LEFTY2: variants seen among roughly 807,000 people sequenced by gnomAD.
LEFTY2 encodes the protein TGF-beta-4.
Under a neutral mutation model 26.4 loss-of-function variants are expected in LEFTY2, and 10 were observed. That is an observed-to-expected ratio of 0.38 (90% CI 0.23 to 0.64). The LOEUF (loss-of-function observed/expected upper bound fraction) is 0.64. LEFTY2 is among the 30% of genes least tolerant of loss of function. LEFTY2 has a pLI of 0.56. For synonymous variants in LEFTY2, 204 were observed against 234.1 expected, an observed-to-expected ratio of 0.87 and a Z score of 1.17; for missense variants, 407 against 502.1, an observed-to-expected ratio of 0.81 and a Z score of 1.81.
rs764625512 is a variant in LEFTY2, at chr1:225,939,018, C to T, written c.737+343G>A. 1.3e-4 allele frequency among the ~76,000 whole-genome samples: 20 copies of T among 151,726 alleles called. No homozygotes were observed. Among genetic ancestry groups the T allele is most frequent in the Non-Finnish European group, 1.0e-4 (7 of 67,940 alleles). ...TCCTGAGTAGCTGGGATTACAGGCACGCGCCACCACGCCCGGCTAATTTTT... is the reference window on the plus strand; with the variant it reads ...TCCTGAGTAGCTGGGATTACAGGCATGCGCCACCACGCCCGGCTAATTTTT... On this transcript the variant is annotated intron_variant, in intron 3 of 3. Coordinates refer to ENST00000366820, the MANE Select transcript of LEFTY2 (RefSeq NM_003240.5). The surrounding 1 kb of genome is among the most constrained non-coding windows in gnomAD (Gnocchi z 4.1).
Position 225,939,291 on chromosome 1 carries a change from C to G in LEFTY2, c.737+70G>C, listed in dbSNP as rs1229790894. The G allele has an allele frequency of 1.3e-5, 21 of 1,604,028 alleles. No homozygotes were observed. The highest frequency in any genetic ancestry group is 1.8e-5 in the Non-Finnish European group (21 of 1,175,686). On this transcript the variant is annotated intron_variant, in intron 3 of 3. Transcript: ENST00000366820. This position sits in a 1 kb window ranked among gnomAD's most constrained non-coding sequence, Gnocchi z 4.1. ...CACCGCCACCATCCGGTCCCCCAGACAGTCCTGGGGACGGGGGTCTGGACC... is the reference window on the plus strand; with the variant it reads ...CACCGCCACCATCCGGTCCCCCAGAGAGTCCTGGGGACGGGGGTCTGGACC...
rs1204953655 is a variant in LEFTY2 at position 225,939,511 on chromosome 1, G to A, written c.587C>T (p.Pro196Leu). Residue 196 changes from proline (P) to leucine (L), a missense_variant, in exon 3 of 4, where the codon CCG (proline) becomes CTG (leucine). Coordinates refer to ENST00000366820, the MANE Select transcript of LEFTY2 (RefSeq NM_003240.5). This position sits in a 1 kb window ranked among gnomAD's most constrained non-coding sequence, Gnocchi z 4.1. The part of the protein sequence containing the change: ...FWQQLSRPRQ[P>L]LLLQVSVQRE... ...CTGCACCGACACCTGTAGCAGCAGC[G>A]GCTGCCGGGGCCGGCTCAGCTGCTG... The A allele has an allele frequency of 6.2e-7, 1 of 1,610,624 alleles. No homozygotes were observed. The highest frequency in any genetic ancestry group is 2.2e-5 in the East Asian group (1 of 44,876).
Position 225,940,893 on chromosome 1 carries a change from C to G in LEFTY2, c.248G>C (p.Arg83Pro). 1.9e-6 allele frequency: 3 copies of G among 1,613,522 alleles called. No homozygotes were observed. The highest frequency in any genetic ancestry group is 2.5e-6 in the Non-Finnish European group (3 of 1,179,746). The change falls in exon 1 of 4, where the codon CGA (arginine) becomes CCA (proline). Residue 83 changes from arginine (R) to proline (P), a missense_variant and splice_region_variant. Physicochemically the swap from Arg to Pro is moderately radical, Grantham distance 103. Transcript: ENST00000366820. ...CCAGCAGGGAGGGAGGGTCTCACCT[C>G]GGAAGCTCTGGCTGAACCTCTTTCC... ...SRGKRFSQSF[R>P]EVAGRFLASE... is the part of the protein sequence containing the mutation.
intron 1 of LEFTY2, 48 bp from the exon 2 acceptor site, chr1:225,940,050 G>A: frequency 1.9e-6 from 3 of 1,594,672 alleles, no homozygotes; most frequent in Non-Finnish European, 1.7e-6. Context: ...CTCCAGCGGA[G>A]CTCTGAGGAT....
In LEFTY2 at chr1:225,939,691, TCCCCGC is replaced by T; in HGVS notation, c.497+59_497+64del. 1 of 1,608,888 alleles carries T rather than the reference TCCCCGC, an allele frequency of 6.2e-7. No homozygotes were observed. Among genetic ancestry groups the T allele is most frequent in the Non-Finnish European group, 8.5e-7 (1 of 1,178,614 alleles). On this transcript the variant is annotated intron_variant, in intron 2 of 3. Coordinates refer to ENST00000366820, the MANE Select transcript of LEFTY2 (RefSeq NM_003240.5). The surrounding 1 kb of genome is among the most constrained non-coding windows in gnomAD (Gnocchi z 4.1). Reference sequence around the variant, plus strand: ...CGAGGACCCTGCACCGCCCCCTGCGTCCCCGCCCCCAAGCCGGGCCGAGCAGCCTCC... The same window carrying T: ...CGAGGACCCTGCACCGCCCCCTGCGTCCCCAAGCCGGGCCGAGCAGCCTCC...
At chr1:225,938,543 G>C (rs1276250481) in intron 3 of LEFTY2, among the ~76,000 whole-genome samples, 3 of 151,768 alleles carry the variant, frequency 2.0e-5, no homozygotes, top group African/African-American at 7.3e-5. Flanking sequence ...TAGTAGAGAC[G>C]GGGTTTCACC....
rs143844031 is a variant in LEFTY2, at chr1:225,937,465, G to C, written c.1077C>G (p.Leu359=). ...QKCSCASDGA[L]VPRRLQP ...CCTATGGCTGGAGCCTCCTTGGCAC[G>C]AGCGCCCCATCCGAGGCACAGCTGC... Residue 359 remains leucine, a synonymous_variant, in exon 4 of 4, where the codon CTC becomes CTG. Transcript: ENST00000366820. 6.2e-7 allele frequency: 1 copy of C among 1,613,936 alleles called. No homozygotes were observed. The highest frequency in any genetic ancestry group is 1.3e-5 in the African/African-American group (1 of 75,026).
chr1:225,937,496 T>C lies in LEFTY2; in HGVS notation c.1046A>G (p.Gln349Arg). ...CCCATCCGAGGCACAGCTGCACTTC[T>C]GCACCCTCATGTTGGGCAGGCTGAC... is the stretch of plus-strand genomic sequence containing the variant. ...QVVSLPNMRV[Q>R]KCSCASDGAL... Residue 349 changes from glutamine (Q) to arginine (R), a missense_variant, in exon 4 of 4, where the codon CAG becomes CGG. Transcript: ENST00000366820. 6.2e-7 allele frequency: 1 copy of C among 1,614,080 alleles called. No homozygotes were observed.
chr1:225,940,040 C>A (rs1413420536), intron 1 of LEFTY2, 38 bp from the exon 2 acceptor site: 5 of 1,595,286 alleles, frequency 3.1e-6, no homozygotes, highest in Non-Finnish European at 4.2e-6. Flanking sequence ...CCTCCCCGGA[C>A]TCCAGCGGAG....
intron 1 of LEFTY2, 98 bp downstream of exon 1, chr1:225,940,793 G>A (rs1672302547): frequency 5.1e-6 from 8 of 1,571,710 alleles, no homozygotes; most frequent in African/African-American, 1.3e-5. Flanking sequence ...CTCCCACAGA[G>A]TCCCAAAAGG....
In LEFTY2 at chr1:225,941,083, C is replaced by T. The variant is rs1391589643; in HGVS notation, c.58G>A (p.Ala20Thr). Residue 20 changes from alanine to threonine, a missense_variant, in exon 1 of 4, where the codon GCG becomes ACG. Ala to Thr is a moderately conservative substitution (Grantham distance 58). Coordinates refer to ENST00000366820, the MANE Select transcript of LEFTY2 (RefSeq NM_003240.5). ...LWVLPLAGPG[A>T]ALTEEQLLGS... ...AGGAGCTGCTCCTCGGTCAGGGCCG[C>T]CCCGGGGCCAGCCAGGGGCAGCACC... The T allele has an allele frequency of 1.8e-5, 28 of 1,598,156 alleles. No homozygotes were observed. The highest frequency in any genetic ancestry group is 2.4e-5 in the Non-Finnish European group (28 of 1,172,348).
In LEFTY2 at chr1:225,939,356, C is replaced by T; in HGVS notation, c.737+5G>A. 3.7e-6 allele frequency: 6 copies of T among 1,613,684 alleles called. No homozygotes were observed. Among genetic ancestry groups the T allele is most frequent in the Non-Finnish European group, 5.1e-6 (6 of 1,179,850 alleles). On this transcript the variant is annotated splice_donor_5th_base_variant and intron_variant, in intron 3 of 3. Transcript: ENST00000366820. This position sits in a 1 kb window ranked among gnomAD's most constrained non-coding sequence, Gnocchi z 4.1. ...TGCCTCCCTTCTGCCCAGTCCTGCA[C>T]CTACCCATAGTCCCTGAGGTCCAGG...
chr1:225,940,905 C>T lies in LEFTY2; in HGVS notation c.236G>A (p.Ser79Asn), dbSNP rs1305726921. Residue 79 changes from serine to asparagine, a missense_variant, in exon 1 of 4, where the codon AGC becomes AAC. Coordinates refer to ENST00000366820, the MANE Select transcript of LEFTY2 (RefSeq NM_003240.5). Reference protein sequence around the residue: ...HGDRSRGKRFSQSFREVAGRF... With the variant: ...HGDRSRGKRFNQSFREVAGRF... ...GAGGGTCTCACCTCGGAAGCTCTGGCTGAACCTCTTTCCGCGGGAGCGGTC... is the reference window on the plus strand; with the variant it reads ...GAGGGTCTCACCTCGGAAGCTCTGGTTGAACCTCTTTCCGCGGGAGCGGTC... The T allele has an allele frequency of 1.2e-6, 2 of 1,613,432 alleles. No homozygotes were observed. Among genetic ancestry groups the T allele is most frequent in the Non-Finnish European group, 1.7e-6 (2 of 1,179,748 alleles).
chr1:225,941,111 G>A lies in LEFTY2; in HGVS notation c.30C>T (p.Leu10=). The A allele has an allele frequency of 6.3e-7, 1 of 1,583,902 alleles. No homozygotes were observed. The highest frequency in any genetic ancestry group is 8.6e-7 in the Non-Finnish European group (1 of 1,166,400). The change falls in exon 1 of 4, where the codon CTC becomes CTT. Residue 10 remains leucine (L), a synonymous_variant. Coordinates refer to ENST00000366820, the MANE Select transcript of LEFTY2 (RefSeq NM_003240.5). ...CGGGGCCAGCCAGGGGCAGCACCCA[G>A]AGTGCCCAGCAGAGCCACAGGGGCC... MWPLWLCWA[L]WVLPLAGPGA... is the part of the protein sequence containing the mutation.
chr1:225,937,931 G>T, intron 3 of LEFTY2, 127 bp from the exon 4 acceptor site: 1 of 1,241,344 alleles, frequency 8.1e-7, no homozygotes, highest in South Asian at 1.6e-5. Context: ...TCTAAAAGCT[G>T]GATATTTGTG....
Position 225,941,075 on chromosome 1 carries a change from C to A in LEFTY2, c.66G>T (p.Leu22=). 1 of 1,602,324 alleles carries A rather than the reference C, an allele frequency of 6.2e-7. No individual in the cohort carries two copies. The highest frequency in any genetic ancestry group is 1.1e-5 in the South Asian group (1 of 90,406). ...GGCTGCCCAGGAGCTGCTCCTCGGT[C>A]AGGGCCGCCCCGGGGCCAGCCAGGG... is the stretch of plus-strand genomic sequence containing the variant. ...VLPLAGPGAA[L]TEEQLLGSLL... Residue 22 remains leucine (L), a synonymous_variant, in exon 1 of 4, where the codon CTG becomes CTT. Coordinates refer to ENST00000366820, the MANE Select transcript of LEFTY2 (RefSeq NM_003240.5).
In LEFTY2 at chr1:225,939,227, C is replaced by T. The variant is rs575206068; in HGVS notation, c.737+134G>A. The T allele has an allele frequency of 3.8e-4, 525 of 1,398,298 alleles. No individual in the cohort carries two copies. In the Middle Eastern group the frequency reaches 4.4e-3, roughly 12 times the overall value. The allele number at this position is 1,398,298 out of a possible 1,614,324, so 86.6% of individuals were successfully genotyped here. ...ACATGTAGTGGGCAATCGCTGGCAT[C>T]CTGGGACAGTCTGCACCGCGCTCTC... On this transcript the variant is annotated intron_variant, in intron 3 of 3. Transcript: ENST00000366820. This position sits in a 1 kb window ranked among gnomAD's most constrained non-coding sequence, Gnocchi z 4.1.
Position 225,939,453 on chromosome 1 carries a change from G to A in LEFTY2, c.645C>T (p.Ala215=). 6.2e-7 allele frequency: 1 copy of A among 1,610,646 alleles called. No individual in the cohort carries two copies. ...GCGAGGCAAAGCGGACCAGCTTGTGGGCGCCGGACGCCAGCGGGCCCAGAT... is the reference window on the plus strand; with the variant it reads ...GCGAGGCAAAGCGGACCAGCTTGTGAGCGCCGGACGCCAGCGGGCCCAGAT... ...REHLGPLASG[A]HKLVRFASQG... The change falls in exon 3 of 4, where the codon GCC becomes GCT. Residue 215 remains alanine, a synonymous_variant. Coordinates refer to ENST00000366820, the MANE Select transcript of LEFTY2 (RefSeq NM_003240.5). The surrounding 1 kb of genome is among the most constrained non-coding windows in gnomAD (Gnocchi z 4.1).
Position 225,937,517 on chromosome 1 carries a change from C to T in LEFTY2, c.1025G>A (p.Ser342Asn), listed in dbSNP as rs121909126. The T allele has an allele frequency of 2.5e-5, 40 of 1,613,936 alleles. No individual in the cohort carries two copies. In the Admixed American group the frequency reaches 2.8e-4, roughly 11 times the overall value. Residue 342 changes from serine (S) to asparagine (N), a missense_variant, in exon 4 of 4, where the codon AGC becomes AAC. Ser to Asn is a conservative substitution (Grantham distance 46, BLOSUM62 1). Coordinates refer to ENST00000366820, the MANE Select transcript of LEFTY2 (RefSeq NM_003240.5). ...EGGRTRPQVV[S>N]LPNMRVQKCS... ...CTTCTGCACCCTCATGTTGGGCAGG[C>T]TGACCACCTGGGGCCTGGTCCTGCC...
Sources: allele counts gnomAD v4.1 joint callset (sites outside exome capture counted in the v4.1 genomes callset), GRCh38; gene constraint gnomAD v4.1.1; non-coding constraint Gnocchi (gnomAD v3.1); transcripts MANE v1.5; gene names NCBI Gene and HGNC (gene_info 2026-07-23, HGNC 2026-07-21).